FMNL2: variants seen among roughly 807,000 people sequenced by gnomAD.
FMNL2 encodes formin-like protein 2.
In FMNL2, 51 loss-of-function variants were observed where a neutral mutation model predicts 130.2. That is an observed-to-expected ratio of 0.39 (90% CI 0.31 to 0.49). The LOEUF is 0.49. Ranked by LOEUF, FMNL2 falls within the 20% of genes least tolerant of loss-of-function variation. The pLI, the probability that FMNL2 is intolerant of heterozygous loss-of-function variation, is 0.85. For missense variants in FMNL2, 977 were observed against 1,316.2 expected (o/e 0.74, Z 3.99); for synonymous variants, 465 against 467.1 (o/e 1.00, Z 0.06).
At chr2:152,601,914 C>T (rs1698101765) in intron 9 of FMNL2, among the ~76,000 whole-genome samples, 1 of 152,096 alleles carries the variant, frequency 6.6e-6, no homozygotes, top group African/African-American at 2.4e-5. Flanking sequence ...AGGTGATCCA[C>T]CTGTCTCGGC....
chr2:152,354,335 CAA>C (rs36013532), intron 1 of FMNL2, among the ~76,000 whole-genome samples: 1 of 145,096 alleles, frequency 6.9e-6, no homozygotes. Context: ...CCAGTAGTGG[CAA>C]AAAAAAAAAT....
intron 1 of FMNL2, among the ~76,000 whole-genome samples, chr2:152,435,302 C>T (rs1036089852): frequency 6.6e-6 from 1 of 151,972 alleles, no homozygotes; most frequent in Admixed American, 6.6e-5. Context: ...GGCAACATAG[C>T]AAAACTCTGT....
intron 1 of FMNL2, among the ~76,000 whole-genome samples, chr2:152,410,302 C>T (rs1450854369): frequency 6.6e-6 from 1 of 152,212 alleles, no homozygotes; most frequent in Non-Finnish European, 1.5e-5. Flanking sequence ...CACATCACAC[C>T]ATCACATTGT....
At chr2:152,423,582 T>C (rs1558851000) in intron 1 of FMNL2, among the ~76,000 whole-genome samples, 1 of 152,144 alleles carries the variant, frequency 6.6e-6, no homozygotes, top group African/African-American at 2.4e-5. Context: ...TAGTACAGAA[T>C]AAAATAAGAT....
intron 1 of FMNL2, among the ~76,000 whole-genome samples, chr2:152,484,167 CAG>C (rs1266471816): frequency 2.6e-5 from 4 of 152,290 alleles, no homozygotes; most frequent in African/African-American, 9.6e-5. Context: ...TGAATTATAA[CAG>C]AGTCACTGGT....
At chr2:152,541,997 G>A (rs1346058353) in intron 2 of FMNL2, among the ~76,000 whole-genome samples, 1 of 152,112 alleles carries the variant, frequency 6.6e-6, no homozygotes, top group African/African-American at 2.4e-5. Flanking sequence ...TCAAAGTATG[G>A]TTCCTCTTTT....
In FMNL2 at chr2:152,481,797, T is replaced by C. The variant is rs1044791559; in HGVS notation, c.118-40146T>C. On this transcript the variant is annotated intron_variant, in intron 1 of 25. Coordinates refer to ENST00000288670, the MANE Select transcript of FMNL2 (RefSeq NM_052905.4). ...TGTCATGTTTGCAGCGTTATTTATC[T>C]CCTATTTTCAACGTACTTTGGGGCC... Among the ~76,000 whole-genome samples the C allele has an allele frequency of 3.8e-4, 58 of 152,202 alleles. 1 individual carries two copies. The highest frequency in any genetic ancestry group is 3.7e-3 in the Admixed American group (57 of 15,284).
chr2:152,390,089 G>A, intron 1 of FMNL2: 1 of 1,462,610 alleles, frequency 6.8e-7, no homozygotes, highest in Non-Finnish European at 9.6e-7. Context: ...AGAAGAAGGA[G>A]GAAGATGAGG....
intron 1 of FMNL2, among the ~76,000 whole-genome samples, chr2:152,355,632 T>C (rs1682738642): frequency 6.6e-6 from 1 of 152,206 alleles, no homozygotes; most frequent in Non-Finnish European, 1.5e-5. Context: ...TGACCCTTTG[T>C]CCCTCTCCTT....
rs118078485 is a variant in FMNL2 at position 152,539,071 on chromosome 2, A to T, written c.202-3668A>T. On this transcript the variant is annotated intron_variant, in intron 2 of 25. Coordinates refer to ENST00000288670, the MANE Select transcript of FMNL2 (RefSeq NM_052905.4). ...TTAAAACTGCTTCATATCCCATGTTATTTTCAGGACCTCGTTGCCTGCTTG... is the reference window on the plus strand; with the variant it reads ...TTAAAACTGCTTCATATCCCATGTTTTTTTCAGGACCTCGTTGCCTGCTTG... 2.3e-4 allele frequency: 35 copies of T among 152,220 alleles called. No homozygotes were observed. The East Asian group carries it at 5.6e-3, about 24-fold the overall frequency. 9.4% of individuals were successfully genotyped at this position (152,220 alleles called of 1,614,324 possible). A position where few individuals can be genotyped will look rare whatever the true frequency, so the allele number is the denominator to read the frequency against.
At chr2:152,525,285 G>A (rs985235714) in intron 2 of FMNL2, among the ~76,000 whole-genome samples, 3 of 152,174 alleles carry the variant, frequency 2.0e-5, no homozygotes, top group Non-Finnish European at 2.9e-5. Context: ...TACAGGTTGT[G>A]GATTCATAAC....
chr2:152,638,121 T>C (rs2105957787), intron 23 of FMNL2, among the ~76,000 whole-genome samples: 1 of 152,352 alleles, frequency 6.6e-6, no homozygotes, highest in African/African-American at 2.4e-5. Flanking sequence ...TAGACCAGCA[T>C]TTCTCTAGTA....
chr2:152,347,117 AC>A (rs1189880664), intron 1 of FMNL2, among the ~76,000 whole-genome samples: 4 of 152,046 alleles, frequency 2.6e-5, no homozygotes, highest in African/African-American at 4.8e-5. Flanking sequence ...TTTTTCACAA[AC>A]CAGACACAGT....
chr2:152,647,297 T>G (rs1292523410), intron 25 of FMNL2, among the ~76,000 whole-genome samples: 1 of 152,224 alleles, frequency 6.6e-6, no homozygotes, highest in East Asian at 1.9e-4. Flanking sequence ...TAAACTCAGC[T>G]AGCTTAATGG....
intron 1 of FMNL2, among the ~76,000 whole-genome samples, chr2:152,458,116 T>G (rs1462805361): frequency 1.3e-5 from 2 of 152,202 alleles, no homozygotes; most frequent in African/African-American, 2.4e-5. Context: ...GATGGGTATA[T>G]CTTTAGGGAC....
chr2:152,549,234 G>A (rs975309241), intron 4 of FMNL2, 137 bp downstream of exon 4: 4 of 531,452 alleles, frequency 7.5e-6, no homozygotes, highest in Admixed American at 8.3e-5. Context: ...ATGAAACCTT[G>A]TTAGTACTCA....
At chr2:152,510,251 G>C (rs1692421403) in intron 1 of FMNL2, among the ~76,000 whole-genome samples, 1 of 152,168 alleles carries the variant, frequency 6.6e-6, no homozygotes, top group Admixed American at 6.5e-5. Context: ...AATGCAGCTT[G>C]TTTGGCTGAG....
intron 10 of FMNL2, among the ~76,000 whole-genome samples, chr2:152,608,628 G>A (rs1698519079): frequency 6.6e-6 from 1 of 151,234 alleles, no homozygotes; most frequent in Admixed American, 6.6e-5. Flanking sequence ...TTTTTACACT[G>A]ACTTTTAAAA....
rs201875002 is a variant in FMNL2 at position 152,638,418 on chromosome 2, T to G, written c.2946+744T>G. ...CACTGGTGGAGGTAGGAGGAATGTTTATTGCAGAGGGGAGGAGGGATGTGG... is the reference window on the plus strand; with the variant it reads ...CACTGGTGGAGGTAGGAGGAATGTTGATTGCAGAGGGGAGGAGGGATGTGG... On this transcript the variant is annotated intron_variant, in intron 23 of 25. Transcript: ENST00000288670. Among the ~76,000 whole-genome samples the G allele has an allele frequency of 3.3e-5, 5 of 152,320 alleles. No individual in the cohort carries two copies. In the East Asian group the frequency reaches 9.6e-4, roughly 29 times the overall value.
Sources: gnomAD v4.1 joint callset for allele counts (sites outside exome capture counted in the v4.1 genomes callset) on GRCh38, gnomAD v4.1.1 for gene constraint, MANE v1.5 for transcripts, NCBI Gene and HGNC (gene_info 2026-07-23, HGNC 2026-07-21) for gene names.